LOXL4: variants seen among roughly 807,000 people sequenced by gnomAD.
The protein encoded by LOXL4 is lysyl oxidase homolog 4.
Under a neutral mutation model 89.1 loss-of-function variants are expected in LOXL4, and 72 were observed. The observed-to-expected ratio is 0.81, with a 90% CI of 0.67 to 0.98. LOXL4 has a LOEUF of 0.98. Ranked by LOEUF, LOXL4 falls within the 50% of genes least tolerant of loss-of-function variation. The pLI is 0.00. For missense variants in LOXL4, 984 were observed against 1,017.5 expected, an observed-to-expected ratio of 0.97 and a Z score of 0.45; for synonymous variants, 355 against 392.1, an observed-to-expected ratio of 0.91 and a Z score of 1.12.
chr10:98,267,658 G>A (rs968125997), intron 1 of LOXL4, among the ~76,000 whole-genome samples: 3 of 152,146 alleles, frequency 2.0e-5, no homozygotes, highest in African/African-American at 7.2e-5. Flanking sequence ...GAGGGGGCTT[G>A]AAGTCTTCTG....
In LOXL4 at chr10:98,258,279, C is replaced by T. The variant is rs1287375992; in HGVS notation, c.922-115G>A. On this transcript the variant is annotated intron_variant, in intron 6 of 14. Transcript: ENST00000260702. The stretch of plus-strand genomic sequence containing the variant: ...TCAAGTTCCATGGCGGTGGCCAGAG[C>T]CAAGGATGGGGAGTTCCAGTCCTGC... The T allele has an allele frequency of 5.5e-6, 6 of 1,084,466 alleles. No homozygotes were observed. In the East Asian group the frequency reaches 1.6e-4, roughly 28 times the overall value. The allele number at this position is 1,084,466 out of a possible 1,614,324, so 67.2% of individuals were successfully genotyped here.
chr10:98,256,735 C>T, intron 9 of LOXL4, 45 bp downstream of exon 9: 1 of 1,611,398 alleles, frequency 6.2e-7, no homozygotes, highest in South Asian at 1.1e-5. Flanking sequence ...GGCCTCAGAA[C>T]AGGAGGGTGA....
At position 98,266,969 on chromosome 10, in the gene LOXL4, G is replaced by A. The variant is rs372636652; in HGVS notation, c.-33+1163C>T. On this transcript the variant is annotated intron_variant, in intron 1 of 14. Transcript: ENST00000260702. ...GAAGGAAGCGGCCTCGAAAGTGGCC[G>A]TTACTTTCCCAAATAAAGGAGAAGG... 5.9e-5 allele frequency among the ~76,000 whole-genome samples: 9 copies of A among 152,324 alleles called. No individual in the cohort carries two copies. In the South Asian group the frequency reaches 1.2e-3, roughly 21 times the overall value.
At chr10:98,251,021 C>T (rs1316563143) in intron 14 of LOXL4, 44 bp downstream of exon 14, 4 of 1,412,284 alleles carry the variant, frequency 2.8e-6, no homozygotes, top group Non-Finnish European at 4.0e-6. Flanking sequence ...TGTTCCAGCT[C>T]CCTGAGCCTA....
rs1858522690 is a variant in LOXL4 at position 98,261,035 on chromosome 10, A to G, written c.549T>C (p.Tyr183=). 6.2e-7 allele frequency: 1 copy of G among 1,613,930 alleles called. No individual in the cohort carries two copies. The highest frequency in any genetic ancestry group is 8.5e-7 in the Non-Finnish European group (1 of 1,179,988). Reference sequence around the variant, plus strand: ...CACACACCTGCCGCCAGTGGCCCTCATACTTCACCTCCACGGCTCCCTCGG... The same window carrying G: ...CACACACCTGCCGCCAGTGGCCCTCGTACTTCACCTCCACGGCTCCCTCGG... The part of the protein sequence containing the change: ...PVTEGAVEVK[Y]EGHWRQVCDQ... The change falls in exon 4 of 15, where the codon TAT becomes TAC. Residue 183 remains tyrosine, a synonymous_variant. Transcript: ENST00000260702.
intron 9 of LOXL4, chr10:98,256,531 C>T (rs1858370674): frequency 5.5e-6 from 3 of 543,596 alleles, no homozygotes; most frequent in Non-Finnish European, 9.8e-6. Context: ...ATTCCTCCTC[C>T]ACCTTGTCTG....
chr10:98,256,331 G>A lies in LOXL4; in HGVS notation c.1428+449C>T, dbSNP rs377176979. On this transcript the variant is annotated intron_variant, in intron 9 of 14. Coordinates refer to ENST00000260702, the MANE Select transcript of LOXL4 (RefSeq NM_032211.7). ...GCATTCATGTTAATCTCCACCCAAC[G>A]TTTTCCAAACAGCAAAGGAAGAAAT... 5.6e-5 allele frequency: 12 copies of A among 213,588 alleles called. No homozygotes were observed. In the South Asian group the frequency reaches 9.0e-4, roughly 16 times the overall value. 13.2% of individuals were successfully genotyped at this position (213,588 alleles called of 1,614,324 possible). A position where few individuals can be genotyped will look rare whatever the true frequency, so the allele number is the denominator to read the frequency against.
intron 9 of LOXL4, 30 bp downstream of exon 9, chr10:98,256,750 T>G: frequency 6.2e-7 from 1 of 1,612,978 alleles, no homozygotes; most frequent in Non-Finnish European, 8.5e-7. Context: ...GGGTGAGAGG[T>G]CATACGGAAG....
Position 98,251,622 on chromosome 10 carries a change from T to C in LOXL4, c.2032A>G (p.Ile678Val), listed in dbSNP as rs1189500404. The change falls in exon 13 of 15, where the codon ATT becomes GTT. Residue 678 changes from isoleucine to valine, a missense_variant. By Grantham distance (29) the Ile-to-Val change is conservative. Coordinates refer to ENST00000260702, the MANE Select transcript of LOXL4 (RefSeq NM_032211.7). Reference sequence around the variant, plus strand: ...GTGATATCCACCCACTGGCAATCAATGTCATGCCGGTAGGTGTCCCAGCAG... The same window carrying C: ...GTGATATCCACCCACTGGCAATCAACGTCATGCCGGTAGGTGTCCCAGCAG... ...VGCWDTYRHD[I>V]DCQWVDITDV... 9.3e-6 allele frequency: 15 copies of C among 1,614,102 alleles called. No individual in the cohort carries two copies. Among genetic ancestry groups the C allele is most frequent in the Non-Finnish European group, 1.3e-5 (15 of 1,180,046 alleles).
At chr10:98,265,716 C>T (rs1440254159) in intron 1 of LOXL4, among the ~76,000 whole-genome samples, 1 of 152,186 alleles carries the variant, frequency 6.6e-6, no homozygotes, top group Non-Finnish European at 1.5e-5. Context: ...CTATTATTAA[C>T]AGCTACTGTG....
rs1201405148 is a variant in LOXL4 at position 98,259,035 on chromosome 10, G to T, written c.895C>A (p.Pro299Thr). The part of the protein sequence containing the change: ...GPHFRPPKTK[P>T]QRKGSWAEEP... Reference sequence around the variant, plus strand: ...TCTGCCCAGGACCCTTTGCGTTGTGGCTTTGTCTTCGGTGGGCGGAAGTGA... The same window carrying T: ...TCTGCCCAGGACCCTTTGCGTTGTGTCTTTGTCTTCGGTGGGCGGAAGTGA... The change falls in exon 6 of 15, where the codon CCA (proline) becomes ACA (threonine). Residue 299 changes from proline (P) to threonine (T), a missense_variant. Pro to Thr is a conservative substitution (Grantham distance 38). Transcript: ENST00000260702. 2 of 1,556,802 alleles carry T rather than the reference G, an allele frequency of 1.3e-6. No homozygotes were observed. Among genetic ancestry groups the T allele is most frequent in the East Asian group, 2.4e-5 (1 of 41,598 alleles).
chr10:98,253,304 G>A (rs1056439767), intron 11 of LOXL4, among the ~76,000 whole-genome samples: 10 of 152,256 alleles, frequency 6.6e-5, no homozygotes, highest in Non-Finnish European at 1.0e-4. Context: ...CTCTGCTGGC[G>A]GTGACGCCTC....
intron 1 of LOXL4, among the ~76,000 whole-genome samples, chr10:98,264,129 G>A (rs894348974): frequency 4.0e-5 from 6 of 151,676 alleles, no homozygotes; most frequent in African/African-American, 9.7e-5. Flanking sequence ...CCATCTAGGC[G>A]TATGATTCAT....
rs547565987 is a variant in LOXL4 at position 98,262,469 on chromosome 10, A to AT, written c.278-257dup. Among the ~76,000 whole-genome samples the AT allele has an allele frequency of 3.8e-3, 572 of 152,168 alleles. 1 individual carries two copies. Among genetic ancestry groups the AT allele is most frequent in the African/African-American group, 0.013 (530 of 41,506 alleles). On this transcript the variant is annotated intron_variant, in intron 2 of 14. Transcript: ENST00000260702. ...AGGAATCAGACCTACCTGTTTGCCC[A>AT]TTTTTTCATTCAACATTCTCTAAGC...
In LOXL4 at chr10:98,255,699, A is replaced by C; in HGVS notation, c.1469T>G (p.Val490Gly). 6.2e-7 allele frequency: 1 copy of C among 1,612,766 alleles called. No homozygotes were observed. Among genetic ancestry groups the C allele is most frequent in the Non-Finnish European group, 8.5e-7 (1 of 1,179,220 alleles). Residue 490 changes from valine to glycine, a missense_variant, in exon 10 of 15, where the codon GTG (valine) becomes GGG (glycine). Coordinates refer to ENST00000260702, the MANE Select transcript of LOXL4 (RefSeq NM_032211.7). ...TGAGCAGCGCACCCCACTCATCACC[A>C]CCTCCTGGGCCCTTGGCGTCCCCGA... ...FWSGTPRAQE[V>G]VMSGVRCSGT...
At chr10:98,251,895 T>A in intron 12 of LOXL4, 193 bp from the exon 13 acceptor site, 1 of 642,536 alleles carries the variant, frequency 1.6e-6, no homozygotes, top group Non-Finnish European at 2.6e-6. Context: ...ACTGCTCCAG[T>A]GCAAATCCCT....
At chr10:98,253,415 C>T in intron 11 of LOXL4, 138 bp downstream of exon 11, 1 of 1,243,000 alleles carries the variant, frequency 8.0e-7, no homozygotes, top group East Asian at 2.4e-5. Context: ...CTCACTGCCT[C>T]CTGCAGGCAA....
chr10:98,252,299 C>T, intron 12 of LOXL4, 54 bp downstream of exon 12: 2 of 1,352,450 alleles, frequency 1.5e-6, no homozygotes, highest in Non-Finnish European at 2.1e-6. Flanking sequence ...CCCAAAGGGG[C>T]TGAAGAACAT....
chr10:98,260,242 C>A (rs753039293), intron 4 of LOXL4, among the ~76,000 whole-genome samples: 1 of 152,208 alleles, frequency 6.6e-6, no homozygotes, highest in Non-Finnish European at 1.5e-5. Context: ...CACAGCCTGG[C>A]TTGATCAGAG....
Sources: allele counts gnomAD v4.1 joint callset (sites outside exome capture counted in the v4.1 genomes callset), GRCh38; gene constraint gnomAD v4.1.1; transcripts MANE v1.5; gene names NCBI Gene and HGNC (gene_info 2026-07-23, HGNC 2026-07-21).